ADARB2: variants seen among roughly 807,000 people sequenced by gnomAD.
ADARB2 encodes inactive double-stranded RNA-specific editase B2.
In ADARB2, 25 loss-of-function variants were observed where a neutral mutation model predicts 62.2. That is an observed-to-expected ratio of 0.40 (90% CI 0.29 to 0.56). The LOEUF (loss-of-function observed/expected upper bound fraction) is 0.56, where lower values mean the gene tolerates loss of function less well. Among genes scored for constraint, ADARB2 ranks in the 20% least tolerant of loss-of-function variants. The pLI, the probability that ADARB2 is intolerant of heterozygous loss-of-function variation, is 0.43. For synonymous variants in ADARB2, 572 were observed against 500.8 expected (o/e 1.14, Z -1.90); for missense variants, 1,071 against 1,077.4 (o/e 0.99, Z 0.08).
intron 1 of ADARB2, among the ~76,000 whole-genome samples, chr10:1,629,669 C>A (rs1833818768): frequency 6.6e-6 from 1 of 151,798 alleles, no homozygotes; most frequent in Admixed American, 6.6e-5. Flanking sequence ...CCAGCTCACC[C>A]CCGGCCCTTC....
At chr10:1,568,881 C>A (rs1010612882) in intron 1 of ADARB2, among the ~76,000 whole-genome samples, 3 of 152,002 alleles carry the variant, frequency 2.0e-5, no homozygotes, top group African/African-American at 7.3e-5. Flanking sequence ...GCAGAATCCC[C>A]CATTTGTCTT....
intron 3 of ADARB2, among the ~76,000 whole-genome samples, chr10:1,278,345 G>T (rs966888915): frequency 3.3e-5 from 5 of 151,186 alleles, no homozygotes; most frequent in Non-Finnish European, 5.9e-5. Context: ...ACATGTGCAG[G>T]TTTGAGTGAT....
chr10:1,487,106 C>T (rs541606579), intron 1 of ADARB2, among the ~76,000 whole-genome samples: 34 of 152,324 alleles, frequency 2.2e-4, no homozygotes, highest in African/African-American at 6.7e-4. Flanking sequence ...CGTGGGAGCC[C>T]GGATGCTGGG....
At chr10:1,669,243 C>A (rs1363937676) in intron 1 of ADARB2, among the ~76,000 whole-genome samples, 1 of 152,094 alleles carries the variant, frequency 6.6e-6, no homozygotes. Context: ...GCTAGTGAGG[C>A]CTGAGGAGAT....
At position 1,598,552 on chromosome 10, in the gene ADARB2, C is replaced by G. The variant is rs564876540; in HGVS notation, c.100+138499G>C. On this transcript the variant is annotated intron_variant, in intron 1 of 9. Transcript: ENST00000381312. ...TGGCGATGTGGCCCATTGCTTGGAC[C>G]GAAACGGGTCGGGGATGTGGCCCAT... Among the ~76,000 whole-genome samples the G allele has an allele frequency of 5.3e-5, 8 of 152,222 alleles. No homozygotes were observed. In the South Asian group the frequency reaches 1.7e-3, roughly 32 times the overall value.
chr10:1,339,264 G>A (rs1832001404), intron 3 of ADARB2, among the ~76,000 whole-genome samples: 1 of 152,210 alleles, frequency 6.6e-6, no homozygotes, highest in African/African-American at 2.4e-5. Context: ...TTTCAGAGCT[G>A]GCAACATGGT....
intron 1 of ADARB2, among the ~76,000 whole-genome samples, chr10:1,662,651 C>T (rs921908557): frequency 5.9e-5 from 9 of 152,212 alleles, no homozygotes; most frequent in Non-Finnish European, 1.2e-4. Flanking sequence ...AGGCTAGGGT[C>T]TGCAGTGAAC....
intron 1 of ADARB2, among the ~76,000 whole-genome samples, chr10:1,551,964 C>T (rs1343014151): frequency 1.3e-5 from 2 of 152,208 alleles, no homozygotes; most frequent in East Asian, 1.9e-4. Context: ...CGTGGCCACC[C>T]CAGGGGGGCG....
At chr10:1,248,851 C>T (rs1021609294) in intron 4 of ADARB2, among the ~76,000 whole-genome samples, 13 of 152,202 alleles carry the variant, frequency 8.5e-5, no homozygotes, top group South Asian at 2.1e-4. Flanking sequence ...CCTGCACCCC[C>T]GCCAAAGCAC....
In ADARB2 at chr10:1,185,044, C is replaced by T. The variant is rs200992959; in HGVS notation, c.1865-5G>A. 562 of 1,608,722 alleles carry T rather than the reference C, an allele frequency of 3.5e-4. 1 individual carries two copies. Among genetic ancestry groups the T allele is most frequent in the Non-Finnish European group, 4.3e-4 (512 of 1,177,268 alleles). On this transcript the variant is annotated splice_region_variant and splice_polypyrimidine_tract_variant and intron_variant, in intron 8 of 9. Coordinates refer to ENST00000381312, the MANE Select transcript of ADARB2 (RefSeq NM_018702.4). Reference sequence around the variant, plus strand: ...GCGCCTCGGCGTCACTCACGCCTGTCGGGGAGATGGGGAAAGGCGGGCGTT... The same window carrying T: ...GCGCCTCGGCGTCACTCACGCCTGTTGGGGAGATGGGGAAAGGCGGGCGTT...
At chr10:1,734,150 G>T (rs553587329) in intron 1 of ADARB2, among the ~76,000 whole-genome samples, 2 of 152,138 alleles carry the variant, frequency 1.3e-5, no homozygotes, top group Admixed American at 6.5e-5. Context: ...ACACAAAATT[G>T]TACAACACTA....
At chr10:1,498,993 A>T (rs1475084006) in intron 1 of ADARB2, among the ~76,000 whole-genome samples, 2 of 135,260 alleles carry the variant, frequency 1.5e-5, no homozygotes, top group Non-Finnish European at 3.2e-5. Flanking sequence ...CTCACTAATC[A>T]CTCACTCAAT....
chr10:1,578,689 G>A (rs187137569), intron 1 of ADARB2, among the ~76,000 whole-genome samples: 25 of 152,210 alleles, frequency 1.6e-4, no homozygotes, highest in African/African-American at 6.0e-4. Context: ...AGAGAAGTGT[G>A]TGCACACACA....
chr10:1,268,427 T>C (rs995998530), intron 4 of ADARB2, among the ~76,000 whole-genome samples: 2 of 152,226 alleles, frequency 1.3e-5, no homozygotes, highest in Non-Finnish European at 2.9e-5. Flanking sequence ...GGTCTCTGAT[T>C]CATAAACAGA....
At chr10:1,286,981 G>A (rs78929560) in intron 3 of ADARB2, among the ~76,000 whole-genome samples, 2 of 152,106 alleles carry the variant, frequency 1.3e-5, no homozygotes, top group Non-Finnish European at 2.9e-5. Context: ...TCACCCCCAC[G>A]TGCCTCATCC....
At chr10:1,448,426 G>A (rs150495115) in intron 1 of ADARB2, among the ~76,000 whole-genome samples, 1 of 152,296 alleles carries the variant, frequency 6.6e-6, no homozygotes, top group East Asian at 1.9e-4. Flanking sequence ...TGTTGACTAT[G>A]TATGTTTAGC....
chr10:1,386,781 TAGA>T (rs1832528987), intron 1 of ADARB2, among the ~76,000 whole-genome samples: 1 of 151,868 alleles, frequency 6.6e-6, no homozygotes, highest in Admixed American at 6.5e-5. Flanking sequence ...AACAAAAAAT[TAGA>T]AGAACTCTAA....
chr10:1,597,598 A>G (rs1449691041), intron 1 of ADARB2, among the ~76,000 whole-genome samples: 2 of 152,226 alleles, frequency 1.3e-5, no homozygotes, highest in Admixed American at 1.3e-4. Context: ...TCAGAATGGC[A>G]GTTATTAAAA....
chr10:1,371,124 C>A (rs1832366260), intron 2 of ADARB2, among the ~76,000 whole-genome samples: 1 of 152,146 alleles, frequency 6.6e-6, no homozygotes, highest in Non-Finnish European at 1.5e-5. Context: ...GAACAGAGAA[C>A]CCGGAAAGAA....
Sources: allele counts gnomAD v4.1 joint callset (sites outside exome capture counted in the v4.1 genomes callset), GRCh38; gene constraint gnomAD v4.1.1; transcripts MANE v1.5; gene names NCBI Gene and HGNC (gene_info 2026-07-23, HGNC 2026-07-21).